AUTS2: variants seen among roughly 807,000 people sequenced by gnomAD.
AUTS2 encodes autism susceptibility gene 2 protein.
In AUTS2, 17 loss-of-function variants were observed where a neutral mutation model predicts 112.4. The observed-to-expected ratio is 0.15, with a 90% confidence interval of 0.10 to 0.23. The LOEUF (loss-of-function observed/expected upper bound fraction) is 0.23. Among genes scored for constraint, AUTS2 ranks in the 10% least tolerant of loss-of-function variants. The pLI is 1.00. For missense variants in AUTS2, 1,510 were observed against 1,701.6 expected, an observed-to-expected ratio of 0.89 and a Z score of 1.98; for synonymous variants, 751 against 702.7, an observed-to-expected ratio of 1.07 and a Z score of -1.09.
intron 2 of AUTS2, among the ~76,000 whole-genome samples, chr7:69,973,050 G>C (rs1330106918): frequency 6.6e-6 from 1 of 151,586 alleles, no homozygotes; most frequent in East Asian, 1.9e-4. Flanking sequence ...TTTTTTTTAA[G>C]TACTTTGTTG....
chr7:70,221,151 C>G (rs1584894754), intron 4 of AUTS2, among the ~76,000 whole-genome samples: 1 of 152,286 alleles, frequency 6.6e-6, no homozygotes, highest in African/African-American at 2.4e-5. Context: ...CAAGCTGTCC[C>G]CCTGTCTCAG....
chr7:70,114,796 C>T (rs561042268), intron 2 of AUTS2, among the ~76,000 whole-genome samples: 35 of 151,138 alleles, frequency 2.3e-4, no homozygotes, highest in Middle Eastern at 3.4e-3. Context: ...AGCAAAACTC[C>T]GTCTCAGAAA....
At chr7:69,855,984 A>C (rs1792704463) in intron 1 of AUTS2, among the ~76,000 whole-genome samples, 1 of 152,200 alleles carries the variant, frequency 6.6e-6, no homozygotes, top group Non-Finnish European at 1.5e-5. Context: ...ATTGAGACAC[A>C]GTTAGCTTGC....
intron 4 of AUTS2, among the ~76,000 whole-genome samples, chr7:70,155,428 A>G (rs1458521290): frequency 6.6e-6 from 1 of 151,304 alleles, no homozygotes; most frequent in South Asian, 2.1e-4. Flanking sequence ...GCCTCAACAT[A>G]CAGGTGGTAG....
At chr7:70,326,423 G>A (rs1343051742) in intron 4 of AUTS2, among the ~76,000 whole-genome samples, 4 of 152,086 alleles carry the variant, frequency 2.6e-5, no homozygotes, top group Non-Finnish European at 5.9e-5. Context: ...ACACAGCACC[G>A]CATGAAAACT....
At position 70,224,341 on chromosome 7, in the gene AUTS2, A is replaced by G. The variant is rs934486556; in HGVS notation, c.660+89770A>G. ...ATACAATACAGTACAGTACAATACA[A>G]TACAATACAATACAATACAATACAA... On this transcript the variant is annotated intron_variant, in intron 4 of 18. Transcript: ENST00000342771. Among the ~76,000 whole-genome samples the G allele has an allele frequency of 6.5e-3, 182 of 27,962 alleles. 2 individuals are homozygous for G. The highest frequency in any genetic ancestry group is 0.016 in the Middle Eastern group (1 of 64). 18.3% of individuals were successfully genotyped at this position (27,962 alleles called of 152,430 possible).
intron 2 of AUTS2, among the ~76,000 whole-genome samples, chr7:70,073,150 G>T (rs1584677705): frequency 6.9e-6 from 1 of 145,534 alleles, no homozygotes; most frequent in East Asian, 2.0e-4. Context: ...CTCTTCCTTT[G>T]CAATGCTTTA....
At chr7:70,176,955 C>T (rs1329774934) in intron 4 of AUTS2, among the ~76,000 whole-genome samples, 1 of 152,140 alleles carries the variant, frequency 6.6e-6, no homozygotes, top group Non-Finnish European at 1.5e-5. Flanking sequence ...CCTCATTCTT[C>T]ATAAAAGTAA....
intron 4 of AUTS2, among the ~76,000 whole-genome samples, chr7:70,248,275 A>AT (rs34208714): frequency 0.1 from 15,379 of 151,998 alleles, 838 homozygotes; most frequent in Admixed American, 0.13. Flanking sequence ...CGCCCAGCTA[A>AT]TTTTTGTATT....
rs1280029209 is a variant in AUTS2, at chr7:70,789,847, G to C, written c.2631G>C (p.Arg877=). ...GHTRSSTEQI[R]AHLNTEAREK... ...CCCGCAGCTCCACTGAACAGATCCG[G>C]GCTCATCTGAACACTGAGGCTCGGG... Residue 877 remains arginine, a synonymous_variant, in exon 19 of 19, where the codon CGG becomes CGC. Transcript: ENST00000342771. 3.1e-6 allele frequency: 5 copies of C among 1,614,170 alleles called. No homozygotes were observed. In the South Asian group the frequency reaches 5.5e-5, roughly 18 times the overall value.
At chr7:70,130,362 G>A (rs1806208563) in intron 3 of AUTS2, among the ~76,000 whole-genome samples, 1 of 152,164 alleles carries the variant, frequency 6.6e-6, no homozygotes, top group East Asian at 1.9e-4. Context: ...TAAGTATGCT[G>A]TTAAAACAGA....
chr7:70,668,268 C>A (rs984120542), intron 5 of AUTS2, among the ~76,000 whole-genome samples: 1 of 152,206 alleles, frequency 6.6e-6, no homozygotes, highest in Admixed American at 6.5e-5. Flanking sequence ...CATGAGCCAC[C>A]GCGCCCAGCC....
chr7:70,695,983 C>T (rs945718669), intron 5 of AUTS2, among the ~76,000 whole-genome samples: 1 of 152,136 alleles, frequency 6.6e-6, no homozygotes, highest in East Asian at 1.9e-4. Context: ...CTCAATTCGT[C>T]GGCTCATTCT....
At chr7:69,886,610 C>T (rs1017351826) in intron 1 of AUTS2, among the ~76,000 whole-genome samples, 3 of 152,074 alleles carry the variant, frequency 2.0e-5, no homozygotes, top group African/African-American at 4.8e-5. Context: ...TCTTCCCCAC[C>T]CTTCATATCA....
intron 5 of AUTS2, among the ~76,000 whole-genome samples, chr7:70,452,025 T>C (rs57139438): frequency 0.13 from 19,840 of 152,158 alleles, 1,339 homozygotes; most frequent in Middle Eastern, 0.17. Flanking sequence ...AGAGATATGA[T>C]ACCACACTTC....
chr7:70,171,907 G>A (rs1009966269), intron 4 of AUTS2, among the ~76,000 whole-genome samples: 1 of 150,266 alleles, frequency 6.7e-6, no homozygotes, highest in African/African-American at 2.5e-5. Flanking sequence ...TTTTTTTTTG[G>A]GGGGGGGTAG....
At position 70,510,423 on chromosome 7, in the gene AUTS2, G is replaced by T. The variant is rs573775794; in HGVS notation, c.690+74642G>T. Among the ~76,000 whole-genome samples, 4 of 152,354 alleles carry T rather than the reference G, an allele frequency of 2.6e-5. No homozygotes were observed. The South Asian group carries it at 8.3e-4, about 32-fold the overall frequency. ...TAGTAACCAAATGTTCCTAGGAGGA[G>T]TGGGGAAACATTTTTATTTTCATTC... is the stretch of plus-strand genomic sequence containing the variant. On this transcript the variant is annotated intron_variant, in intron 5 of 18. Coordinates refer to ENST00000342771, the MANE Select transcript of AUTS2 (RefSeq NM_015570.4).
At chr7:70,780,282 G>C (rs1244527252) in intron 14 of AUTS2, among the ~76,000 whole-genome samples, 1 of 152,132 alleles carries the variant, frequency 6.6e-6, no homozygotes, top group Non-Finnish European at 1.5e-5. Flanking sequence ...AGGATGCCAG[G>C]GGAAAAGATT....
intron 1 of AUTS2, among the ~76,000 whole-genome samples, chr7:69,849,263 A>G (rs1424952029): frequency 6.6e-6 from 1 of 152,226 alleles, no homozygotes; most frequent in East Asian, 1.9e-4. Flanking sequence ...AACAAGTTAT[A>G]TAGGTTTTTA....
Sources: gnomAD v4.1 joint callset for allele counts (sites outside exome capture counted in the v4.1 genomes callset) on GRCh38, gnomAD v4.1.1 for gene constraint, MANE v1.5 for transcripts, NCBI Gene and HGNC (gene_info 2026-07-23, HGNC 2026-07-21) for gene names.